Variants in FGD4 observed in about 807,000 individuals in gnomAD.
FGD4 encodes FYVE, RhoGEF and PH domain-containing protein 4.
In FGD4, 42 loss-of-function variants were observed where a neutral mutation model predicts 102.0. The observed-to-expected ratio is 0.41, with a 90% CI of 0.32 to 0.53. The LOEUF is 0.53. Among genes scored for constraint, FGD4 ranks in the 20% least tolerant of loss-of-function variants. FGD4 has a pLI of 0.21. For missense variants in FGD4, 902 were observed against 1,078.2 expected (o/e 0.84, Z 2.29); for synonymous variants, 380 against 375.7 (o/e 1.01, Z -0.13).
chr12:32,493,980 C>G (rs1287654587), intron 1 of FGD4, among the ~76,000 whole-genome samples: 1 of 152,124 alleles, frequency 6.6e-6, no homozygotes, highest in African/African-American at 2.4e-5. Context: ...AAGAAAATGT[C>G]TTAGGTAGAG....
chr12:32,416,051 A>G (rs749054583), intron 1 of FGD4, among the ~76,000 whole-genome samples: 1 of 152,178 alleles, frequency 6.6e-6, no homozygotes, highest in Non-Finnish European at 1.5e-5. Flanking sequence ...GCCGAAGTGC[A>G]GTGGTTCAAT....
At chr12:32,556,469 T>G (rs1474265286) in intron 1 of FGD4, among the ~76,000 whole-genome samples, 1 of 152,184 alleles carries the variant, frequency 6.6e-6, no homozygotes, top group Non-Finnish European at 1.5e-5. Flanking sequence ...TCTATGATTT[T>G]AAAGTGGAAT....
intron 1 of FGD4, among the ~76,000 whole-genome samples, chr12:32,515,886 A>G (rs752810425): frequency 6.6e-6 from 1 of 152,228 alleles, no homozygotes. Flanking sequence ...GGATAAATTG[A>G]AAACTATGGT....
chr12:32,619,589 A>C, intron 10 of FGD4, 109 bp from the exon 11 acceptor site: 1 of 1,234,540 alleles, frequency 8.1e-7, no homozygotes, highest in Admixed American at 1.8e-5. Flanking sequence ...CCAAGGTCAC[A>C]CTATTACACT....
Position 32,454,909 on chromosome 12 carries a change from T to G in FGD4, c.166+54950T>G, listed in dbSNP as rs113586536. Among the ~76,000 whole-genome samples, 79 of 152,284 alleles carry G rather than the reference T, an allele frequency of 5.2e-4. 3 individuals carry two copies. Among genetic ancestry groups the G allele is most frequent in the African/African-American group, 1.8e-3 (76 of 41,580 alleles). ...GTGAAGTGACAGAATTTTAAAGTGTTTTTTGAAACATCTGGTGATCTAAAT... is the reference window on the plus strand; with the variant it reads ...GTGAAGTGACAGAATTTTAAAGTGTGTTTTGAAACATCTGGTGATCTAAAT... On this transcript the variant is annotated intron_variant, in intron 1 of 16. Transcript: ENST00000534526.
intron 14 of FGD4, among the ~76,000 whole-genome samples, chr12:32,627,016 T>G (rs901413518): frequency 2.6e-5 from 4 of 151,926 alleles, no homozygotes; most frequent in Admixed American, 6.6e-5. Flanking sequence ...CCTGGCTGAT[T>G]TCTGTATTTT....
At chr12:32,469,564 A>C (rs1943359827) in intron 1 of FGD4, among the ~76,000 whole-genome samples, 1 of 152,126 alleles carries the variant, frequency 6.6e-6, no homozygotes, top group Admixed American at 6.5e-5. Flanking sequence ...TACAGGCGTG[A>C]GCCACCACGT....
At chr12:32,447,628 G>A (rs543367493) in intron 1 of FGD4, among the ~76,000 whole-genome samples, 30 of 152,314 alleles carry the variant, frequency 2.0e-4, no homozygotes, top group African/African-American at 7.2e-4. Flanking sequence ...ACAACTGAAA[G>A]GTTTAGCATT....
In FGD4 at chr12:32,552,881, G is replaced by A. The variant is rs915986235; in HGVS notation, c.167-11256G>A. Among the ~76,000 whole-genome samples the A allele has an allele frequency of 4.0e-5, 6 of 151,112 alleles. No homozygotes were observed. In the East Asian group the frequency reaches 7.8e-4, roughly 20 times the overall value. ...CAACCTCCACCTCCTGGGTTCAAGC[G>A]ATTCTCCTACCTCAGCCTCTTGAGT... On this transcript the variant is annotated intron_variant, in intron 1 of 16. Transcript: ENST00000534526.
intron 1 of FGD4, among the ~76,000 whole-genome samples, chr12:32,525,928 C>G (rs1301431736): frequency 6.6e-6 from 1 of 152,256 alleles, no homozygotes; most frequent in Non-Finnish European, 1.5e-5. Context: ...GGCTCGGGAC[C>G]TACAGCCCGC....
chr12:32,546,744 G>GTGA (rs1255135455), intron 1 of FGD4, among the ~76,000 whole-genome samples: 2 of 152,190 alleles, frequency 1.3e-5, no homozygotes, highest in African/African-American at 4.8e-5. Context: ...GTCTACAATG[G>GTGA]TGAGGCCTCA....
At chr12:32,572,999 T>C (rs1592264868) in intron 2 of FGD4, among the ~76,000 whole-genome samples, 1 of 152,210 alleles carries the variant, frequency 6.6e-6, no homozygotes. Flanking sequence ...TCTCAATAAT[T>C]TGAAGTATCA....
At chr12:32,522,470 A>G (rs1940646307) in intron 1 of FGD4, among the ~76,000 whole-genome samples, 1 of 152,206 alleles carries the variant, frequency 6.6e-6, no homozygotes, top group Non-Finnish European at 1.5e-5. Context: ...TGGATCAGGC[A>G]GCTCATCAAA....
intron 1 of FGD4, among the ~76,000 whole-genome samples, chr12:32,534,846 C>G (rs1942111470): frequency 6.6e-6 from 1 of 152,136 alleles, no homozygotes; most frequent in African/African-American, 2.4e-5. Flanking sequence ...CTGGTGTGAA[C>G]AAATGTTAAG....
chr12:32,572,101 T>A (rs1002700404), intron 2 of FGD4, among the ~76,000 whole-genome samples: 1 of 152,026 alleles, frequency 6.6e-6, no homozygotes, highest in African/African-American at 2.4e-5. Context: ...CACACACACA[T>A]ACATACACAC....
chr12:32,607,716 T>C (rs1293302418), intron 7 of FGD4, among the ~76,000 whole-genome samples: 1 of 152,184 alleles, frequency 6.6e-6, no homozygotes, highest in Non-Finnish European at 1.5e-5. Flanking sequence ...GGTTTTGCCA[T>C]GTTGGCCGGG....
In FGD4 at chr12:32,399,663, G is replaced by C; in HGVS notation, c.-131G>C. 7.0e-7 allele frequency: 1 copy of C among 1,428,958 alleles called. No individual in the cohort carries two copies. Among genetic ancestry groups the C allele is most frequent in the Non-Finnish European group, 9.1e-7 (1 of 1,100,954 alleles). 88.5% of individuals were successfully genotyped at this position (1,428,958 alleles called of 1,614,324 possible). ...AGGAGAGGGAGAGGAGGCACTCGCT[G>C]AGGAGACGCCGCAGTAGAGGGCGCC... On this transcript the variant is annotated 5_prime_UTR_variant, in exon 1 of 17. Coordinates refer to ENST00000534526, the MANE Select transcript of FGD4 (RefSeq NM_001370298.3).
At chr12:32,561,624 G>T (rs186067773) in intron 1 of FGD4, among the ~76,000 whole-genome samples, 39 of 152,184 alleles carry the variant, frequency 2.6e-4, no homozygotes, top group Admixed American at 7.2e-4. Flanking sequence ...CAATTATACT[G>T]AATTTCCTGG....
At chr12:32,470,676 A>G (rs1241168923) in intron 1 of FGD4, among the ~76,000 whole-genome samples, 1 of 151,052 alleles carries the variant, frequency 6.6e-6, no homozygotes, top group Non-Finnish European at 1.5e-5. Flanking sequence ...CTGGTCTCGA[A>G]CTCCTGACCT....
Sources: allele counts gnomAD v4.1 joint callset (sites outside exome capture counted in the v4.1 genomes callset), GRCh38; gene constraint gnomAD v4.1.1; transcripts MANE v1.5; gene names NCBI Gene and HGNC (gene_info 2026-07-23, HGNC 2026-07-21).